TASOR2: variants seen among roughly 807,000 people sequenced by gnomAD.
TASOR2 encodes transcription activation suppressor family member 2.
TASOR2 carries 84 observed loss-of-function variants against 199.5 expected under a neutral mutation model. The observed-to-expected ratio is 0.42, with a 90% CI of 0.35 to 0.50. The LOEUF is 0.50. TASOR2 is among the 20% of genes least tolerant of loss of function. TASOR2 has a pLI of 0.02. For missense variants in TASOR2, 2,796 were observed against 2,835.9 expected (o/e 0.99, Z 0.32); for synonymous variants, 1,103 against 1,046.6 (o/e 1.05, Z -1.04).
rs1206397229 is a variant in TASOR2 at position 5,752,564 on chromosome 10, A to G, written c.6606+2537A>G. Among the ~76,000 whole-genome samples the G allele has an allele frequency of 6.6e-6, 1 of 152,186 alleles. No individual in the cohort carries two copies. Among genetic ancestry groups the G allele is most frequent in the Non-Finnish European group, 1.5e-5 (1 of 68,022 alleles). ...CTCCAGAATGTCACGTGGCGAGTCC[A>G]TGGGGGCTGGATTACTGAGTAACGA... On this transcript the variant is annotated intron_variant, in intron 15 of 20. Coordinates refer to ENST00000328090, the Ensembl canonical transcript of TASOR2. The surrounding 1 kb of genome is among the most constrained non-coding windows in gnomAD (Gnocchi z 4.4).
Position 5,750,170 on chromosome 10 carries a change from C to T in TASOR2, c.6606+143C>T, listed in dbSNP as rs1240932206. 1 of 894,382 alleles carries T rather than the reference C, an allele frequency of 1.1e-6. No individual in the cohort carries two copies. Among genetic ancestry groups the T allele is most frequent in the African/African-American group, 1.7e-5 (1 of 58,862 alleles). The allele number at this position is 894,382 out of a possible 1,614,324, so 55.4% of individuals were successfully genotyped here. ...TCACAGCTTAGTCTTTATCTGCATA[C>T]TAAATGTTTTCCTGCAGGATCTGCC... On this transcript the variant is annotated intron_variant, in intron 15 of 20. Transcript: ENST00000328090. The surrounding 1 kb of genome is among the most constrained non-coding windows in gnomAD (Gnocchi z 5.4).
Position 5,742,195 on chromosome 10 carries a change from G to T in TASOR2, c.2426G>T (p.Arg809Leu). Residue 809 changes from arginine to leucine, a missense_variant, in exon 14 of 21, where the codon CGA (arginine) becomes CTA (leucine). Physicochemically the swap from Arg to Leu is moderately radical, Grantham distance 102. Around this residue, in one of 3 missense-constraint regions of TASOR2, gnomAD observed 1,941 missense variants for 1,924.9 expected, o/e 1.01. Coordinates refer to ENST00000328090, the Ensembl canonical transcript of TASOR2. This position sits in a 1 kb window ranked among gnomAD's most constrained non-coding sequence, Gnocchi z 4.2. Reference sequence around the variant, plus strand: ...TACAGCAATCAGAACAAAATCATACGATCTTCCCGAAAGGTTGTAGAACAC... The same window carrying T: ...TACAGCAATCAGAACAAAATCATACTATCTTCCCGAAAGGTTGTAGAACAC... The T allele has an allele frequency of 6.2e-7, 1 of 1,614,070 alleles. No homozygotes were observed. Among genetic ancestry groups the T allele is most frequent in the South Asian group, 1.1e-5 (1 of 91,068 alleles).
At position 5,710,645 on chromosome 10, in the gene TASOR2, G is replaced by A. The variant is rs1470864054; in HGVS notation, c.-287-2178G>A. ...CATTATGATGCTCAAAAATGAGGAC[G>A]TATGTAACTTAAATCTGTGCCTACC... On this transcript the variant is annotated intron_variant, in intron 1 of 20. Coordinates refer to ENST00000328090, the Ensembl canonical transcript of TASOR2. The surrounding 1 kb of genome is among the most constrained non-coding windows in gnomAD (Gnocchi z 4.6). Among the ~76,000 whole-genome samples, 2 of 152,044 alleles carry A rather than the reference G, an allele frequency of 1.3e-5. No homozygotes were observed. The highest frequency in any genetic ancestry group is 4.8e-5 in the African/African-American group (2 of 41,438).
chr10:5,759,146 T>C (rs1000411620), intron 18 of TASOR2, among the ~76,000 whole-genome samples, 154 bp downstream of exon 19: 1 of 152,204 alleles, frequency 6.6e-6, no homozygotes, highest in African/African-American at 2.4e-5. Flanking sequence ...TGAAGGAAGC[T>C]ATGTGCTGTG....
At chr10:5,733,280 G>T (rs1047341216) in intron 11 of TASOR2, among the ~76,000 whole-genome samples, 3 of 152,210 alleles carry the variant, frequency 2.0e-5, no homozygotes, top group South Asian at 4.1e-4. Context: ...GGCTGAGGCG[G>T]GTGGATCACT....
intron 1 of TASOR2, 131 bp from the exon 2 acceptor site, chr10:5,712,692 G>C: frequency 1.3e-6 from 1 of 751,394 alleles, no homozygotes; most frequent in Non-Finnish European, 1.8e-6. Flanking sequence ...AATTATTCTA[G>C]GGAATAGAAA....
intron 6 of TASOR2, 117 bp downstream of exon 7, chr10:5,721,087 T>C (rs1454088376): frequency 2.8e-6 from 2 of 721,678 alleles, no homozygotes; most frequent in African/African-American, 1.8e-5. Context: ...GTTCTTGATT[T>C]TAGATGAGGG....
At position 5,685,615 on chromosome 10, in the gene TASOR2, A is replaced by C. The variant is rs1431814988; in HGVS notation, c.-288+440A>C. Among the ~76,000 whole-genome samples, 3 of 152,182 alleles carry C rather than the reference A, an allele frequency of 2.0e-5. No homozygotes were observed. In the East Asian group the frequency reaches 5.8e-4, roughly 29 times the overall value. ...TGGCAATGCGCCACCTTTTCTTTTT[A>C]GGGTAAAACAGGTCTCTCCGAAGGG... is the stretch of plus-strand genomic sequence containing the variant. On this transcript the variant is annotated intron_variant, in intron 1 of 20. Coordinates refer to ENST00000328090, the Ensembl canonical transcript of TASOR2. The surrounding 1 kb of genome is among the most constrained non-coding windows in gnomAD (Gnocchi z 5.4).
At chr10:5,723,546 C>A in intron 6 of TASOR2, 131 bp from the exon 8 acceptor site, 2 of 477,106 alleles carry the variant, frequency 4.2e-6, no homozygotes. Flanking sequence ...ATTATTTAAC[C>A]TGGAGCTTAT....
intron 1 of TASOR2, among the ~76,000 whole-genome samples, chr10:5,709,982 G>A (rs546037601): frequency 2.0e-5 from 3 of 152,200 alleles, no homozygotes; most frequent in Non-Finnish European, 2.9e-5. Context: ...TACCGTCTTA[G>A]ATTTTTAGGT....
At position 5,730,746 on chromosome 10, in the gene TASOR2, T is replaced by C; in HGVS notation, c.747T>C (p.Ala249=). The stretch of plus-strand genomic sequence containing the variant: ...GTGGTTTTGACTTGATTCCTCCAGC[T>C]GAAAAGTGCCCTTCAGAGTCTTTAA... Residue 249 remains alanine (A), a synonymous_variant, in exon 11 of 21, where the codon GCT becomes GCC. Coordinates refer to ENST00000328090, the Ensembl canonical transcript of TASOR2. The surrounding 1 kb of genome is among the most constrained non-coding windows in gnomAD (Gnocchi z 4.1). 1.1e-5 allele frequency: 17 copies of C among 1,614,202 alleles called. No homozygotes were observed. The highest frequency in any genetic ancestry group is 1.4e-5 in the Non-Finnish European group (17 of 1,180,020).
At chr10:5,763,658 TGTAAGATACACG>T (rs1840209565) in exon 21 of TASOR2, 1 of 151,804 alleles carries the variant, frequency 6.6e-6, no homozygotes, top group Non-Finnish European at 1.5e-5. Flanking sequence ...AAAAAACATT[TGTAAGATACACG>T]GTATCTATTT....
In TASOR2 at chr10:5,761,475, A is replaced by G. The variant is rs1447212461; in HGVS notation, c.7174+4A>G. The G allele has an allele frequency of 6.2e-7, 1 of 1,609,190 alleles. No individual in the cohort carries two copies. On this transcript the variant is annotated splice_donor_region_variant and intron_variant, in intron 19 of 20. Transcript: ENST00000328090. ...AGGTTTGCTGTCCTCCTAACAGGTA[A>G]TTCACAGGCGCATTTTACTCAGTTA... is the stretch of plus-strand genomic sequence containing the variant.
At chr10:5,700,226 TAA>T (rs1249647039) in intron 1 of TASOR2, among the ~76,000 whole-genome samples, 22 of 152,278 alleles carry the variant, frequency 1.4e-4, no homozygotes, top group African/African-American at 4.1e-4. Flanking sequence ...TCACTTAACA[TAA>T]AGACCTACAG....
rs1048383524 is a variant in TASOR2, at chr10:5,757,787, C to A, written c.6886+114C>A. ...ATCAACTCTAAGGAATATCAGTTGC[C>A]CCCTACTGAGGCATAATTTCTGCTG... On this transcript the variant is annotated intron_variant, in intron 17 of 20. Coordinates refer to ENST00000328090, the Ensembl canonical transcript of TASOR2. The A allele has an allele frequency of 1.1e-5, 13 of 1,140,838 alleles. No individual in the cohort carries two copies. The African/African-American group carries it at 1.9e-4, about 17-fold the overall frequency. The allele number at this position is 1,140,838 out of a possible 1,614,324, so 70.7% of individuals were successfully genotyped here.
chr10:5,711,585 G>GCTCACTAC (rs1244958687), intron 1 of TASOR2, among the ~76,000 whole-genome samples: 1 of 152,080 alleles, frequency 6.6e-6, no homozygotes, highest in East Asian at 1.9e-4. Context: ...AGGTCATTAG[G>GCTCACTAC]CTCAGTTCTT....
chr10:5,721,410 A>T (rs1833342312), intron 6 of TASOR2, among the ~76,000 whole-genome samples: 1 of 152,168 alleles, frequency 6.6e-6, no homozygotes, highest in Non-Finnish European at 1.5e-5. Flanking sequence ...TCTCCTGGGG[A>T]ACTGTGAAGA....
chr10:5,708,994 G>A (rs942511636), intron 1 of TASOR2, among the ~76,000 whole-genome samples: 4 of 152,018 alleles, frequency 2.6e-5, no homozygotes, highest in African/African-American at 9.7e-5. Flanking sequence ...GAGCCACCTC[G>A]CCCAGCCTAA....
chr10:5,726,012 A>G (rs943243181), intron 8 of TASOR2, among the ~76,000 whole-genome samples: 1 of 152,198 alleles, frequency 6.6e-6, no homozygotes, highest in African/African-American at 2.4e-5. Flanking sequence ...GTGATTAAAT[A>G]ATATATTGAT....
Sources: gnomAD v4.1 joint callset for allele counts (sites outside exome capture counted in the v4.1 genomes callset) on GRCh38, gnomAD v4.1.1 for gene constraint, gnomAD v4.1.1 regional missense constraint, Gnocchi (gnomAD v3.1) non-coding constraint, MANE v1.5 for transcripts, NCBI Gene and HGNC (gene_info 2026-07-23, HGNC 2026-07-21) for gene names.